The following EYS variants were observed in gnomAD, a reference collection of about 807,000 sequenced individuals.
EYS encodes protein eyes shut homolog.
EYS carries 250 observed loss-of-function variants against 282.1 expected under a neutral mutation model. That is an observed-to-expected ratio of 0.89 (90% CI 0.80 to 0.98). The LOEUF (loss-of-function observed/expected upper bound fraction) is 0.98. EYS is among the 50% of genes least tolerant of loss of function. The pLI is 0.00. For synonymous variants in EYS, 1,355 were observed against 1,282.9 expected, an observed-to-expected ratio of 1.06 and a Z score of -1.20; for missense variants, 4,016 against 3,709.0, an observed-to-expected ratio of 1.08 and a Z score of -2.15.
chr6:65,222,231 A>T (rs760468296), intron 12 of EYS, among the ~76,000 whole-genome samples: 5 of 152,146 alleles, frequency 3.3e-5, no homozygotes, highest in Non-Finnish European at 7.4e-5. Context: ...GGCCAGAGGC[A>T]GACTGATATG....
intron 31 of EYS, among the ~76,000 whole-genome samples, chr6:64,172,775 C>A (rs1238614127): frequency 6.6e-6 from 1 of 152,116 alleles, no homozygotes; most frequent in Admixed American, 6.5e-5. Context: ...AGTTTCAGAT[C>A]AATGGTGACA....
chr6:64,604,324 T>C (rs550107177), intron 24 of EYS, among the ~76,000 whole-genome samples: 1 of 152,170 alleles, frequency 6.6e-6, no homozygotes, highest in East Asian at 1.9e-4. Context: ...CATTTTCAAG[T>C]ATGTCAGTCA....
chr6:64,449,145 G>A (rs1775224762), intron 26 of EYS, among the ~76,000 whole-genome samples: 1 of 152,126 alleles, frequency 6.6e-6, no homozygotes, highest in Non-Finnish European at 1.5e-5. Context: ...AATAACCAAT[G>A]CAGAGAAGTC....
At chr6:65,233,189 T>A (rs1390849198) in intron 12 of EYS, among the ~76,000 whole-genome samples, 1 of 152,166 alleles carries the variant, frequency 6.6e-6, no homozygotes, top group Non-Finnish European at 1.5e-5. Flanking sequence ...AGACAGTTTT[T>A]CTTGTTTGCT....
chr6:63,726,691 G>A lies in EYS; in HGVS notation c.8072-11C>T. On this transcript the variant is annotated splice_polypyrimidine_tract_variant and intron_variant, in intron 41 of 42. Coordinates refer to ENST00000503581, the MANE Select transcript of EYS (RefSeq NM_001142800.2). Reference sequence around the variant, plus strand: ...CACTTATGGATAAAGCTGAGGGAAGGAGAGAAAGAGAACTCTGGGAGTTAT... The same window carrying A: ...CACTTATGGATAAAGCTGAGGGAAGAAGAGAAAGAGAACTCTGGGAGTTAT... 6.5e-7 allele frequency: 1 copy of A among 1,547,888 alleles called. No homozygotes were observed. Among genetic ancestry groups the A allele is most frequent in the Non-Finnish European group, 8.7e-7 (1 of 1,144,610 alleles).
intron 35 of EYS, among the ~76,000 whole-genome samples, chr6:63,973,146 G>A (rs1766664071): frequency 6.6e-6 from 1 of 152,030 alleles, no homozygotes; most frequent in South Asian, 2.1e-4. Flanking sequence ...CTTCCATAAT[G>A]GTTGAAGTAA....
At chr6:65,013,183 T>G (rs543802236) in intron 13 of EYS, among the ~76,000 whole-genome samples, 4 of 152,308 alleles carry the variant, frequency 2.6e-5, no homozygotes, top group African/African-American at 9.6e-5. Context: ...GTTTTGCTAG[T>G]GGGAAGTTAA....
At chr6:64,406,828 A>G (rs1295070675) in intron 28 of EYS, among the ~76,000 whole-genome samples, 1 of 152,196 alleles carries the variant, frequency 6.6e-6, no homozygotes, top group African/African-American at 2.4e-5. Context: ...GGATGTGGAG[A>G]AATAGGAATG....
intron 35 of EYS, among the ~76,000 whole-genome samples, chr6:63,970,208 ATAT>A (rs1766495198): frequency 2.0e-5 from 3 of 152,214 alleles, no homozygotes. Context: ...AAAATTGAAG[ATAT>A]TATGTTAAGA....
chr6:65,099,862 A>G (rs1023093177), intron 12 of EYS, among the ~76,000 whole-genome samples: 1 of 150,776 alleles, frequency 6.6e-6, no homozygotes, highest in Non-Finnish European at 1.5e-5. Flanking sequence ...GGCAAAAGAC[A>G]AGAGATGATA....
chr6:64,571,476 A>G (rs569552827), intron 26 of EYS, among the ~76,000 whole-genome samples: 9 of 152,300 alleles, frequency 5.9e-5, no homozygotes, highest in African/African-American at 1.4e-4. Flanking sequence ...CAAAAAATCA[A>G]TGAATCCAGG....
intron 26 of EYS, among the ~76,000 whole-genome samples, chr6:64,581,255 G>T (rs1376813808): frequency 1.7e-4 from 26 of 152,112 alleles, no homozygotes; most frequent in Non-Finnish European, 1.5e-5. Flanking sequence ...TAAGTGGTCA[G>T]CATGTGAAGA....
chr6:65,514,742 C>G (rs945485323), intron 2 of EYS, among the ~76,000 whole-genome samples: 3 of 151,972 alleles, frequency 2.0e-5, no homozygotes, highest in East Asian at 1.9e-4. Context: ...GCCATATGTA[C>G]AAAGCTGAAA....
At chr6:64,768,896 T>G (rs1325478205) in intron 22 of EYS, among the ~76,000 whole-genome samples, 1 of 152,066 alleles carries the variant, frequency 6.6e-6, no homozygotes, top group Non-Finnish European at 1.5e-5. Context: ...TGTAGGGCCA[T>G]GACAAGGAAG....
At chr6:65,359,136 G>C (rs1012495304) in intron 8 of EYS, among the ~76,000 whole-genome samples, 1 of 151,928 alleles carries the variant, frequency 6.6e-6, no homozygotes, top group African/African-American at 2.4e-5. Flanking sequence ...GTGAAATTAA[G>C]ACAAAGATGA....
chr6:65,332,312 A>C, intron 11 of EYS: 1 of 718,956 alleles, frequency 1.4e-6, no homozygotes, highest in Non-Finnish European at 2.6e-6. Context: ...ATTTTAAGCC[A>C]CTAAATCAAA....
chr6:63,963,953 C>T (rs1230894980), intron 35 of EYS, among the ~76,000 whole-genome samples: 2 of 152,144 alleles, frequency 1.3e-5, no homozygotes, highest in Non-Finnish European at 2.9e-5. Context: ...TATCTTCCAT[C>T]TGTAGGTGGC....
At chr6:63,954,578 G>C (rs907095481) in intron 35 of EYS, among the ~76,000 whole-genome samples, 1 of 152,150 alleles carries the variant, frequency 6.6e-6, no homozygotes, top group African/African-American at 2.4e-5. Flanking sequence ...GTCATTCACT[G>C]CAAGGGCCAT....
intron 36 of EYS, among the ~76,000 whole-genome samples, chr6:63,862,056 G>T (rs1203373521): frequency 6.6e-6 from 1 of 152,086 alleles, no homozygotes; most frequent in East Asian, 1.9e-4. Flanking sequence ...TACCTGGATA[G>T]TTCCTTTTCC....
Sources: allele counts gnomAD v4.1 joint callset (sites outside exome capture counted in the v4.1 genomes callset), GRCh38; gene constraint gnomAD v4.1.1; transcripts MANE v1.5; gene names NCBI Gene and HGNC (gene_info 2026-07-23, HGNC 2026-07-21).